MAPRE2: variants seen among roughly 807,000 people sequenced by gnomAD.
MAPRE2 encodes microtubule associated protein RP/EB family member 2, also known as microtubule-associated protein RP/EB family member 2.
In MAPRE2, 13 loss-of-function variants were observed where a neutral mutation model predicts 43.2. That is an observed-to-expected ratio of 0.30 (90% confidence interval 0.20 to 0.48). MAPRE2 has a LOEUF of 0.48. Among genes scored for constraint, MAPRE2 ranks in the 20% least tolerant of loss-of-function variants. The pLI, the probability that MAPRE2 is intolerant of heterozygous loss-of-function variation, is 0.99. For synonymous variants in MAPRE2, 135 were observed against 148.8 expected, an observed-to-expected ratio of 0.91 and a Z score of 0.68; for missense variants, 161 against 400.2, an observed-to-expected ratio of 0.40 and a Z score of 5.10.
At chr18:34,977,516 G>C (rs531876713) in intron 1 of MAPRE2, among the ~76,000 whole-genome samples, 2 of 152,324 alleles carry the variant, frequency 1.3e-5, no homozygotes, top group South Asian at 4.1e-4. Flanking sequence ...TGGGGCGCCG[G>C]CACTGAGAGA....
At chr18:34,983,747 A>G (rs1438764216) in intron 1 of MAPRE2, among the ~76,000 whole-genome samples, 2 of 152,154 alleles carry the variant, frequency 1.3e-5, no homozygotes, top group Non-Finnish European at 2.9e-5. Context: ...CTCATGCCTC[A>G]GCCTCCCAAG....
intron 1 of MAPRE2, among the ~76,000 whole-genome samples, chr18:34,987,824 G>A (rs1193800788): frequency 6.6e-6 from 1 of 151,754 alleles, no homozygotes; most frequent in Non-Finnish European, 1.5e-5. Flanking sequence ...TGTATTTTTT[G>A]TAGAGACGGG....
chr18:35,050,647 T>G (rs1005888612), intron 1 of MAPRE2, among the ~76,000 whole-genome samples: 15 of 152,338 alleles, frequency 9.8e-5, no homozygotes, highest in African/African-American at 3.1e-4. Flanking sequence ...CTGCCATTTA[T>G]CAAGTACAGC....
chr18:35,093,770 A>G (rs147254688), intron 2 of MAPRE2, among the ~76,000 whole-genome samples: 176 of 152,292 alleles, frequency 1.2e-3, no homozygotes, highest in African/African-American at 3.8e-3. Context: ...GAAAGGGGAA[A>G]GCAGAGGGAG....
chr18:35,077,017 A>G (rs1907389730), intron 2 of MAPRE2, among the ~76,000 whole-genome samples: 1 of 152,194 alleles, frequency 6.6e-6, no homozygotes, highest in Non-Finnish European at 1.5e-5. Context: ...GAAATTAGAA[A>G]AACAGGCTTA....
At chr18:35,098,213 CTCTT>C (rs1908515643) in intron 3 of MAPRE2, among the ~76,000 whole-genome samples, 1 of 152,124 alleles carries the variant, frequency 6.6e-6, no homozygotes, top group South Asian at 2.1e-4. Context: ...CTAAAACAGT[CTCTT>C]TCTGCATGTT....
intron 1 of MAPRE2, among the ~76,000 whole-genome samples, chr18:35,059,265 T>C (rs1392137637): frequency 2.6e-5 from 4 of 152,108 alleles, no homozygotes; most frequent in Non-Finnish European, 4.4e-5. Flanking sequence ...CTCATTAAGC[T>C]GCAGGGCAGC....
At chr18:35,043,491 T>G (rs150646647) in intron 1 of MAPRE2, among the ~76,000 whole-genome samples, 2,350 of 152,298 alleles carry the variant, frequency 0.015, 27 homozygotes, top group Non-Finnish European at 0.023. Context: ...GGTGACAGAT[T>G]ATTGCTTTAA....
chr18:34,994,078 C>CTTTTGACA (rs1204031137), intron 1 of MAPRE2, among the ~76,000 whole-genome samples: 1 of 143,312 alleles, frequency 7.0e-6, no homozygotes, highest in Non-Finnish European at 1.5e-5. Context: ...TTTGACATTG[C>CTTTTGACA]TTTGCAGATC....
At chr18:35,000,851 G>A (rs945834314) in intron 1 of MAPRE2, among the ~76,000 whole-genome samples, 4 of 152,148 alleles carry the variant, frequency 2.6e-5, no homozygotes, top group African/African-American at 4.8e-5. Flanking sequence ...GTGTGTTGGC[G>A]ATTAAAATTC....
At chr18:35,041,295 A>C (rs972224500), upstream of MAPRE2, 66 of 1,396,064 alleles carry the variant, frequency 4.7e-5, no homozygotes, top group Middle Eastern at 2.7e-4. Flanking sequence ...CGAGGTGATG[A>C]GTTAGCGGGT....
At chr18:35,022,422 C>T (rs905706879) in intron 2 of MAPRE2, among the ~76,000 whole-genome samples, 23 of 151,950 alleles carry the variant, frequency 1.5e-4, no homozygotes, top group Non-Finnish European at 5.9e-5. Flanking sequence ...GTATATGCTT[C>T]TTCTGTCAAT....
chr18:35,099,386 G>A (rs936665725), intron 3 of MAPRE2, among the ~76,000 whole-genome samples: 2 of 152,174 alleles, frequency 1.3e-5, no homozygotes, highest in South Asian at 2.1e-4. Context: ...AGGCCAAGGC[G>A]GGAGGGTCAC....
At chr18:35,068,929 C>A (rs9951424) in intron 1 of MAPRE2, among the ~76,000 whole-genome samples, 4,357 of 152,184 alleles carry the variant, frequency 0.029, 197 homozygotes, top group African/African-American at 0.1. Context: ...CTTCTTCAGG[C>A]AGTAATGGAA....
chr18:35,099,621 A>G (rs1877449363), intron 3 of MAPRE2, among the ~76,000 whole-genome samples: 1 of 152,170 alleles, frequency 6.6e-6, no homozygotes, highest in African/African-American at 2.4e-5. Flanking sequence ...TCTCTGAAAT[A>G]AAAAATAAAA....
intron 1 of MAPRE2, among the ~76,000 whole-genome samples, chr18:35,057,488 A>T (rs376698379): frequency 7.0e-5 from 9 of 128,190 alleles, no homozygotes; most frequent in East Asian, 3.2e-4. Flanking sequence ...GAGCAGAGAG[A>T]TACTGCAAGG....
intron 3 of MAPRE2, among the ~76,000 whole-genome samples, chr18:35,100,120 C>T (rs547175293): frequency 1.3e-5 from 2 of 152,318 alleles, no homozygotes; most frequent in South Asian, 4.1e-4. Context: ...CATTCACACA[C>T]TCACACACAC....
At chr18:35,020,080 T>A (rs1166841261) in intron 2 of MAPRE2, among the ~76,000 whole-genome samples, 1 of 152,092 alleles carries the variant, frequency 6.6e-6, no homozygotes, top group Non-Finnish European at 1.5e-5. Flanking sequence ...ACCTCAAATA[T>A]CATTCTGCTT....
At chr18:35,041,789 G>A (rs2150598417) in intron 1 of MAPRE2, 128 bp downstream of exon 1, 4 of 1,517,190 alleles carry the variant, frequency 2.6e-6, no homozygotes, top group Non-Finnish European at 3.5e-6. Context: ...GAAGGCGGTT[G>A]TGATTATTTG....
Sources: allele counts gnomAD v4.1 joint callset (sites outside exome capture counted in the v4.1 genomes callset), GRCh38; gene constraint gnomAD v4.1.1; transcripts MANE v1.5; gene names NCBI Gene and HGNC (gene_info 2026-07-23, HGNC 2026-07-21).